The following GOSR2 variants were observed in gnomAD, a reference collection of about 807,000 sequenced individuals.
The protein encoded by GOSR2 is golgi SNAP receptor complex member 2, also known as 27 kDa Golgi SNARE protein.
In GOSR2, 20 loss-of-function variants were observed where a neutral mutation model predicts 27.9. The ratio of observed to expected loss-of-function variants is 0.72; its 90% CI spans 0.50 to 1.04. GOSR2 has a LOEUF of 1.04. Ranked by LOEUF, GOSR2 falls within the 50% of genes least tolerant of loss-of-function variation. GOSR2 has a pLI of 0.00. For missense variants in GOSR2, 261 were observed against 270.5 expected (o/e 0.97, Z 0.25); for synonymous variants, 91 against 98.8 (o/e 0.92, Z 0.47).
chr17:46,956,277 CTTTTTTTTTTTTTTTT>C (rs869045527), intron 6 of GOSR2, among the ~76,000 whole-genome samples: 3 of 62,656 alleles, frequency 4.8e-5, no homozygotes, highest in East Asian at 5.4e-4. Flanking sequence ...CTTGCCAGTC[CTTTTTTTTTTTTTTTT>C]TTTTTTTTTT....
At chr17:46,931,321 T>C in intron 3 of GOSR2, 114 bp downstream of exon 3, 1 of 715,102 alleles carries the variant, frequency 1.4e-6, no homozygotes, top group Non-Finnish European at 2.6e-6. Flanking sequence ...TGAAAAACTA[T>C]GACTATGCAA....
intron 1 of GOSR2, chr17:46,924,529 C>T (rs1413788734): frequency 1.3e-5 from 2 of 152,176 alleles, no homozygotes; most frequent in Non-Finnish European, 2.9e-5. Flanking sequence ...GATTAAAACA[C>T]TTAAAATCAC....
intron 6 of GOSR2, among the ~76,000 whole-genome samples, chr17:46,961,371 C>G (rs2091039350): frequency 6.6e-6 from 1 of 152,074 alleles, no homozygotes. Context: ...GACCCCATCT[C>G]TACAAAAAAC....
chr17:46,967,234 G>T (rs924611452), downstream of GOSR2, among the ~76,000 whole-genome samples: 3 of 152,232 alleles, frequency 2.0e-5, no homozygotes, highest in African/African-American at 7.2e-5. Context: ...ACACCAGTCT[G>T]CCTGGGTTTG....
downstream of GOSR2, among the ~76,000 whole-genome samples, chr17:46,969,571 G>C (rs969544926): frequency 6.6e-6 from 1 of 152,232 alleles, no homozygotes. Context: ...GCTCCAGGCT[G>C]GGACCAGCCT....
intron 1 of GOSR2, among the ~76,000 whole-genome samples, chr17:46,925,526 A>C (rs565238398): frequency 5.9e-5 from 9 of 152,220 alleles, no homozygotes; most frequent in African/African-American, 1.9e-4. Flanking sequence ...ATTTTTCCTC[A>C]TCTGTAGAAT....
Position 46,939,476 on chromosome 17 carries a change from T to A in GOSR2, c.*716T>A. 4 of 986,964 alleles carry A rather than the reference T, an allele frequency of 4.1e-6. No homozygotes were observed. The highest frequency in any genetic ancestry group is 3.6e-6 in the Non-Finnish European group (3 of 830,948). The allele number at this position is 986,964 out of a possible 1,614,324, so 61.1% of individuals were successfully genotyped here. A position where few individuals can be genotyped will look rare whatever the true frequency, so the allele number is the denominator to read the frequency against. On this transcript the variant is annotated 3_prime_UTR_variant, in exon 6 of 6. Coordinates refer to ENST00000640051, the MANE Select transcript of GOSR2 (RefSeq NM_004287.5). ...ACCCTAGTCACTGATTTTTTCTAGT[T>A]GTTAATAGAGTGGTTGGCTTTTAAG... is the stretch of plus-strand genomic sequence containing the variant.
chr17:46,975,349 G>A (rs2091437865), exon 7 of GOSR2: 1 of 152,236 alleles, frequency 6.6e-6, no homozygotes, highest in South Asian at 2.1e-4. Context: ...ATCCTGGGAA[G>A]AGCTCTCAAT....
intron 6 of GOSR2, among the ~76,000 whole-genome samples, chr17:46,972,610 A>G (rs2091404304): frequency 1.3e-5 from 2 of 152,356 alleles, no homozygotes; most frequent in South Asian, 2.1e-4. Context: ...TGCTGTCAAC[A>G]TACAGGTTCC....
At chr17:46,949,344 A>C (rs1384776502) in intron 6 of GOSR2, 2 of 152,328 alleles carry the variant, frequency 1.3e-5, no homozygotes, top group Non-Finnish European at 1.5e-5. Context: ...ACTGAGTTCC[A>C]AGAGTGAGTA....
At chr17:46,974,512 A>C (rs1428604874) in intron 6 of GOSR2, among the ~76,000 whole-genome samples, 1 of 152,170 alleles carries the variant, frequency 6.6e-6, no homozygotes, top group African/African-American at 2.4e-5. Flanking sequence ...AGGCGGGTGG[A>C]TCACAAGGTC....
At chr17:46,929,655 C>T in intron 2 of GOSR2, 71 bp downstream of exon 2, 1 of 808,580 alleles carries the variant, frequency 1.2e-6, no homozygotes, top group Non-Finnish European at 2.2e-6. Context: ...GGCTTCCTGA[C>T]TGCACTCTGC....
chr17:46,931,982 G>A (rs568976458), intron 3 of GOSR2, 85 bp from the exon 4 acceptor site: 63 of 1,216,418 alleles, frequency 5.2e-5, no homozygotes, highest in African/African-American at 4.0e-4. Context: ...AGGAAACGCC[G>A]TCTTTCCTCA....
intron 6 of GOSR2, among the ~76,000 whole-genome samples, chr17:46,959,655 C>T (rs1599219522): frequency 6.6e-6 from 1 of 152,182 alleles, no homozygotes; most frequent in Admixed American, 6.5e-5. Context: ...GGATAGCAGT[C>T]CCCTTATGCT....
At chr17:46,938,211 A>G (rs555362946) in intron 5 of GOSR2, among the ~76,000 whole-genome samples, 5 of 152,218 alleles carry the variant, frequency 3.3e-5, no homozygotes, top group South Asian at 4.1e-4. Context: ...AGAAGCTTTA[A>G]TTGTGGCTTT....
intron 6 of GOSR2, among the ~76,000 whole-genome samples, chr17:46,952,509 G>C (rs2090435095): frequency 6.6e-6 from 1 of 152,170 alleles, no homozygotes; most frequent in Admixed American, 6.5e-5. Context: ...TTGCAGGTAG[G>C]GGTCAGGTCA....
rs1262828728 is a variant in GOSR2 at position 46,966,514 on chromosome 17, AT to A, written c.584-14del. On this transcript the variant is annotated intron_variant, in intron 6 of 6. Coordinates refer to the GOSR2 transcript ENST00000573224. ...AGGTGCACCCCACCACACCCGATTA[AT>A]TTTTTGTATTTTTTGCAGAGACAAG... 1.5e-5 allele frequency: 10 copies of A among 686,600 alleles called. No individual in the cohort carries two copies. The East Asian group carries it at 2.2e-4, about 15-fold the overall frequency. 42.5% of individuals were successfully genotyped at this position (686,600 alleles called of 1,614,324 possible).
Position 46,940,254 on chromosome 17 carries a change from G to A in GOSR2, c.*1494G>A, listed in dbSNP as rs550139085. ...TCCTGGATGCTAATTTCACACTTTC[G>A]GTTGGAGGAGATCTCCATTGTTCCT... On this transcript the variant is annotated 3_prime_UTR_variant, in exon 6 of 6. Transcript: ENST00000640051. 23 of 1,423,478 alleles carry A rather than the reference G, an allele frequency of 1.6e-5. No homozygotes were observed. The highest frequency in any genetic ancestry group is 1.6e-4 in the African/African-American group (11 of 69,614). The allele number at this position is 1,423,478 out of a possible 1,614,324, so 88.2% of individuals were successfully genotyped here. A position where few individuals can be genotyped will look rare whatever the true frequency, so the allele number is the denominator to read the frequency against.
chr17:46,946,916 A>G (rs1403398257), downstream of GOSR2, among the ~76,000 whole-genome samples: 1 of 152,212 alleles, frequency 6.6e-6, no homozygotes, highest in Non-Finnish European at 1.5e-5. Context: ...TCAAGTGCCA[A>G]GCAAGTGGGG....
Sources: gnomAD v4.1 joint callset for allele counts (sites outside exome capture counted in the v4.1 genomes callset) on GRCh38, gnomAD v4.1.1 for gene constraint, MANE v1.5 for transcripts, NCBI Gene and HGNC (gene_info 2026-07-23, HGNC 2026-07-21) for gene names.